The following PDE1C variants were observed in gnomAD, a reference collection of about 807,000 sequenced individuals.
The protein encoded by PDE1C is phosphodiesterase 1C, also known as dual specificity calcium/calmodulin-dependent 3',5'-cyclic nucleotide phosphodiesterase 1C.
Under a neutral mutation model 93.1 loss-of-function variants are expected in PDE1C, and 62 were observed. The observed-to-expected ratio is 0.67, with a 90% CI of 0.54 to 0.82. The LOEUF is 0.82. PDE1C is among the 40% of genes least tolerant of loss of function. The pLI is 0.00. For synonymous variants in PDE1C, 325 were observed against 310.1 expected (o/e 1.05, Z -0.50); for missense variants, 742 against 884.6 (o/e 0.84, Z 2.04).
At chr7:32,223,537 T>C (rs1359673131) in intron 1 of PDE1C, among the ~76,000 whole-genome samples, 2 of 152,204 alleles carry the variant, frequency 1.3e-5, no homozygotes, top group Non-Finnish European at 2.9e-5. Context: ...CCTTACAGGA[T>C]TCAGCTGAAA....
chr7:31,959,370 G>A (rs1584193235), intron 2 of PDE1C, among the ~76,000 whole-genome samples: 2 of 151,880 alleles, frequency 1.3e-5, no homozygotes, highest in Non-Finnish European at 1.5e-5. Flanking sequence ...GCACAACTAC[G>A]CCCAGCTAAT....
chr7:32,397,724 A>C (rs1203344619), intron 1 of PDE1C, among the ~76,000 whole-genome samples: 1 of 152,182 alleles, frequency 6.6e-6, no homozygotes, highest in African/African-American at 2.4e-5. Flanking sequence ...GTTTAAGAAA[A>C]AAAAGTGAGG....
At chr7:32,388,505 C>T (rs79786134) in intron 1 of PDE1C, among the ~76,000 whole-genome samples, 6,525 of 151,704 alleles carry the variant, frequency 0.043, 351 homozygotes, top group African/African-American at 0.13. Flanking sequence ...ACAGCGAGAC[C>T]CTGTCTCTAA....
the PDE1C span, chr7:31,707,304 C>T: frequency 6.3e-7 from 1 of 1,598,476 alleles, no homozygotes; most frequent in Admixed American, 1.7e-5. Context: ...CCTGAGACCA[C>T]TTGTAAATAG....
chr7:32,103,938 T>A (rs1415942093), intron 3 of PDE1C, among the ~76,000 whole-genome samples: 1 of 151,780 alleles, frequency 6.6e-6, no homozygotes, highest in Non-Finnish European at 1.5e-5. Context: ...ATAAAAAGAT[T>A]CAACACAAAG....
chr7:32,224,877 G>GAAAAAAAATAACCT (rs1246345149), intron 1 of PDE1C, among the ~76,000 whole-genome samples: 1 of 151,734 alleles, frequency 6.6e-6, no homozygotes, highest in East Asian at 1.9e-4. Context: ...TCTTACGTTA[G>GAAAAAAAATAACCT]AAGAAAAATA....
chr7:31,849,747 C>T (rs1298649941), intron 8 of PDE1C, among the ~76,000 whole-genome samples: 1 of 152,152 alleles, frequency 6.6e-6, no homozygotes, highest in Non-Finnish European at 1.5e-5. Flanking sequence ...CATACCCTAG[C>T]TCCTTTTGAT....
chr7:32,020,821 T>C (rs2128611878), intron 2 of PDE1C, among the ~76,000 whole-genome samples: 1 of 152,280 alleles, frequency 6.6e-6, no homozygotes, highest in South Asian at 2.1e-4. Flanking sequence ...ATATAGTATT[T>C]GTTTTCATTG....
chr7:31,819,589 T>C (rs1788703239), intron 14 of PDE1C, among the ~76,000 whole-genome samples: 1 of 152,034 alleles, frequency 6.6e-6, no homozygotes, highest in Non-Finnish European at 1.5e-5. Flanking sequence ...TGTTGGGACT[T>C]GGGATGAAAA....
intron 7 of PDE1C, among the ~76,000 whole-genome samples, chr7:31,864,268 A>G (rs1327210665): frequency 6.6e-6 from 1 of 152,194 alleles, no homozygotes; most frequent in African/African-American, 2.4e-5. Flanking sequence ...TGATAGCAGG[A>G]CCACTTGAGC....
the PDE1C span, among the ~76,000 whole-genome samples, chr7:31,716,044 C>T: frequency 2.4e-4 from 36 of 152,234 alleles, no homozygotes; most frequent in African/African-American, 7.5e-4. Context: ...GGACCAACTG[C>T]GTGCCTCATT....
intron 1 of PDE1C, among the ~76,000 whole-genome samples, chr7:32,361,944 A>ATCTGTT (rs1406132445): frequency 6.6e-6 from 1 of 152,228 alleles, no homozygotes; most frequent in Non-Finnish European, 1.5e-5. Context: ...ATTCAACAGC[A>ATCTGTT]TCTGTTTTGT....
intron 1 of PDE1C, among the ~76,000 whole-genome samples, chr7:32,398,699 T>C (rs1784886594): frequency 6.6e-6 from 1 of 152,018 alleles, no homozygotes; most frequent in Non-Finnish European, 1.5e-5. Flanking sequence ...AGAACTGTGA[T>C]CCTAGCTGAG....
chr7:31,841,564 T>G (rs1583561203), intron 9 of PDE1C, among the ~76,000 whole-genome samples: 1 of 151,992 alleles, frequency 6.6e-6, no homozygotes, highest in Non-Finnish European at 1.5e-5. Context: ...TTGCTGAGAG[T>G]TTTTATGATG....
chr7:32,300,344 A>T (rs1251069099), upstream of PDE1C, among the ~76,000 whole-genome samples: 2 of 152,238 alleles, frequency 1.3e-5, no homozygotes, highest in African/African-American at 4.8e-5. Flanking sequence ...TGGTAGCGAG[A>T]TTAATTAATC....
At chr7:31,998,118 C>G (rs2128552301) in intron 2 of PDE1C, among the ~76,000 whole-genome samples, 1 of 152,138 alleles carries the variant, frequency 6.6e-6, no homozygotes, top group South Asian at 2.1e-4. Flanking sequence ...CTCCTGTGTT[C>G]ACACCATTCT....
chr7:32,218,824 G>A (rs1345138129), intron 1 of PDE1C, among the ~76,000 whole-genome samples: 2 of 152,088 alleles, frequency 1.3e-5, no homozygotes, highest in African/African-American at 4.8e-5. Context: ...CCAGATTTCA[G>A]GTTGACTCTA....
intron 2 of PDE1C, among the ~76,000 whole-genome samples, chr7:31,912,759 C>G (rs1192035024): frequency 6.6e-6 from 1 of 151,818 alleles, no homozygotes; most frequent in Non-Finnish European, 1.5e-5. Flanking sequence ...TGTAATTCAG[C>G]AAGATGCATC....
At chr7:32,074,231 A>T (rs1796226697), upstream of PDE1C, among the ~76,000 whole-genome samples, 1 of 152,098 alleles carries the variant, frequency 6.6e-6, no homozygotes, top group Non-Finnish European at 1.5e-5. Context: ...AAAAAAAAAT[A>T]GGAATCAGGC....
Sources: allele counts gnomAD v4.1 joint callset (sites outside exome capture counted in the v4.1 genomes callset), GRCh38; gene constraint gnomAD v4.1.1; transcripts MANE v1.5; gene names NCBI Gene and HGNC (gene_info 2026-07-23, HGNC 2026-07-21).